The following ACAP2 variants were observed in gnomAD, a reference collection of about 807,000 sequenced individuals.
The protein encoded by ACAP2 is arf-GAP with coiled-coil, ANK repeat and PH domain-containing protein 2.
A neutral mutation model predicts 115.8 loss-of-function variants in ACAP2; 39 were observed. The observed-to-expected ratio is 0.34, with a 90% CI of 0.26 to 0.44. ACAP2 has a LOEUF of 0.44. ACAP2 is among the 20% of genes least tolerant of loss of function. ACAP2 has a pLI of 1.00. For synonymous variants in ACAP2, 289 were observed against 315.8 expected (o/e 0.92, Z 0.90); for missense variants, 662 against 927.6 (o/e 0.71, Z 3.72).
intron 2 of ACAP2, among the ~76,000 whole-genome samples, chr3:195,385,167 C>T (rs889035276): frequency 2.0e-5 from 3 of 151,124 alleles, no homozygotes; most frequent in Non-Finnish European, 2.9e-5. Context: ...AAGCCCAATA[C>T]TTTGGGAGGC....
intron 1 of ACAP2, among the ~76,000 whole-genome samples, chr3:195,417,920 G>A (rs1560350219): frequency 6.6e-6 from 1 of 151,512 alleles, no homozygotes; most frequent in African/African-American, 2.4e-5. Context: ...CAGCCTGGGT[G>A]ACAGAGGGAG....
intron 1 of ACAP2, among the ~76,000 whole-genome samples, chr3:195,412,436 A>C (rs2108813583): frequency 6.6e-6 from 1 of 151,284 alleles, no homozygotes; most frequent in East Asian, 1.9e-4. Flanking sequence ...AAAAAAAGTT[A>C]AATAAAATAA....
rs1418431171 is a variant in ACAP2, at chr3:195,386,048, G to C, written c.112-4026C>G. Reference sequence around the variant, plus strand: ...AAATGAGGTACATCCATGCAATGATGCATTATCCAGCTATAAAAACAAAGG... The same window carrying C: ...AAATGAGGTACATCCATGCAATGATCCATTATCCAGCTATAAAAACAAAGG... On this transcript the variant is annotated intron_variant, in intron 2 of 22. Transcript: ENST00000326793. Among the ~76,000 whole-genome samples, 4 of 152,210 alleles carry C rather than the reference G, an allele frequency of 2.6e-5. No homozygotes were observed. In the East Asian group the frequency reaches 5.8e-4, roughly 22 times the overall value.
intron 21 of ACAP2, among the ~76,000 whole-genome samples, chr3:195,288,872 C>A (rs1727044808): frequency 6.6e-6 from 1 of 152,004 alleles, no homozygotes; most frequent in Admixed American, 6.6e-5. Context: ...AATATAAATA[C>A]AAAACACTAT....
chr3:195,367,052 C>CAAAAAAAAAAAAAA (rs35590029), intron 4 of ACAP2, among the ~76,000 whole-genome samples: 1 of 76,240 alleles, frequency 1.3e-5, no homozygotes, highest in Non-Finnish European at 2.8e-5. Flanking sequence ...CCAACCCCGC[C>CAAAAAAAAAAAAAA]AAAAAAAAAA....
At chr3:195,391,884 A>G (rs1452960013) in intron 2 of ACAP2, among the ~76,000 whole-genome samples, 1 of 152,028 alleles carries the variant, frequency 6.6e-6, no homozygotes, top group Non-Finnish European at 1.5e-5. Flanking sequence ...AATCCCAGCT[A>G]CTTGGGAGGC....
intron 1 of ACAP2, among the ~76,000 whole-genome samples, chr3:195,436,120 T>TAC (rs1715521541): frequency 1.3e-5 from 1 of 77,592 alleles, no homozygotes; most frequent in African/African-American, 6.0e-5. Context: ...CATATATATG[T>TAC]ATATATATAT....
intron 4 of ACAP2, among the ~76,000 whole-genome samples, chr3:195,358,812 TGAGA>T (rs1330359616): frequency 1.3e-5 from 2 of 152,076 alleles, no homozygotes; most frequent in African/African-American, 2.4e-5. Context: ...TTTCTGAAAC[TGAGA>T]GAAAGATACA....
intron 1 of ACAP2, among the ~76,000 whole-genome samples, chr3:195,431,538 C>T (rs1560366179): frequency 6.6e-6 from 1 of 151,848 alleles, no homozygotes; most frequent in Admixed American, 6.6e-5. Flanking sequence ...CCTGGGTTCA[C>T]GCCATTCTCC....
chr3:195,327,326 C>A (rs1729861153), intron 8 of ACAP2, among the ~76,000 whole-genome samples: 1 of 152,108 alleles, frequency 6.6e-6, no homozygotes, highest in Non-Finnish European at 1.5e-5. Flanking sequence ...AAATCAAAGA[C>A]ACGAAGAAGA....
At chr3:195,419,590 G>A (rs1714009186) in intron 1 of ACAP2, 1 of 152,056 alleles carries the variant, frequency 6.6e-6, no homozygotes, top group Non-Finnish European at 1.5e-5. Context: ...CTATTTCAAG[G>A]CATTTGTCTT....
chr3:195,421,370 C>A (rs989537951), intron 1 of ACAP2, among the ~76,000 whole-genome samples: 1 of 152,144 alleles, frequency 6.6e-6, no homozygotes, highest in African/African-American at 2.4e-5. Context: ...TGAAAACATT[C>A]ATAATATAGA....
intron 6 of ACAP2, among the ~76,000 whole-genome samples, chr3:195,340,791 C>G (rs2108645951): frequency 6.6e-6 from 1 of 152,258 alleles, no homozygotes; most frequent in South Asian, 2.1e-4. Flanking sequence ...GGGTACACTA[C>G]AGCAGAAAAT....
Position 195,381,915 on chromosome 3 carries a change from A to G in ACAP2, c.219T>C (p.Asp73=), listed in dbSNP as rs1396559659. The change falls in exon 3 of 23, where the codon GAT becomes GAC. Residue 73 remains aspartate, a synonymous_variant. Transcript: ENST00000326793. ...TAGTAATACTAACCTCAACGACAGC[A>G]TCATTACTAGAATACTGAGCCAGGT... ...IRDLAQYSSN[D]AVVETSLTKF... is the part of the protein sequence containing the mutation. 1 of 1,601,354 alleles carries G rather than the reference A, an allele frequency of 6.2e-7. No individual in the cohort carries two copies. Among genetic ancestry groups the G allele is most frequent in the African/African-American group, 1.4e-5 (1 of 73,906 alleles).
intron 1 of ACAP2, among the ~76,000 whole-genome samples, chr3:195,438,728 C>A (rs12497178): frequency 0.021 from 3,233 of 152,052 alleles, 112 homozygotes; most frequent in East Asian, 0.097. Context: ...CCCACAAACA[C>A]CCTTTTTAAA....
intron 4 of ACAP2, among the ~76,000 whole-genome samples, chr3:195,375,507 CAAAAAAAA>C (rs77856053): frequency 9.6e-6 from 1 of 103,722 alleles, no homozygotes; most frequent in Non-Finnish European, 2.2e-5. Flanking sequence ...ATCAACTGTA[CAAAAAAAA>C]AAAAAAAAAA....
chr3:195,401,823 G>A (rs1413016063), intron 1 of ACAP2, among the ~76,000 whole-genome samples: 1 of 152,134 alleles, frequency 6.6e-6, no homozygotes, highest in Non-Finnish European at 1.5e-5. Context: ...AAGCAGCTGT[G>A]TTTAAAAAAC....
intron 4 of ACAP2, among the ~76,000 whole-genome samples, chr3:195,355,447 T>C (rs1439594522): frequency 6.6e-6 from 1 of 152,180 alleles, no homozygotes; most frequent in South Asian, 2.1e-4. Context: ...CATTTTCCCA[T>C]CATAAAAAGT....
intron 10 of ACAP2, among the ~76,000 whole-genome samples, chr3:195,315,816 A>T (rs1231377042): frequency 2.0e-5 from 3 of 152,146 alleles, no homozygotes; most frequent in Non-Finnish European, 2.9e-5. Context: ...AAATTTAACC[A>T]TTATTCCTTA....
Sources: allele counts gnomAD v4.1 joint callset (sites outside exome capture counted in the v4.1 genomes callset), GRCh38; gene constraint gnomAD v4.1.1; transcripts MANE v1.5; gene names NCBI Gene and HGNC (gene_info 2026-07-23, HGNC 2026-07-21).